PCDHGA5: variants seen among roughly 807,000 people sequenced by gnomAD.
PCDHGA5 encodes protocadherin gamma-A5.
A neutral mutation model predicts 56.7 loss-of-function variants in PCDHGA5; 36 were observed. The observed-to-expected ratio is 0.64, with a 90% CI of 0.49 to 0.84. The LOEUF (loss-of-function observed/expected upper bound fraction) is 0.84. PCDHGA5 is among the 40% of genes least tolerant of loss of function. The probability of loss-of-function intolerance (pLI) is 0.00; values close to 1 mark genes in which losing one functional copy is unlikely to be tolerated. For synonymous variants in PCDHGA5, 563 were observed against 520.2 expected (o/e 1.08, Z -1.12); for missense variants, 1,305 against 1,201.5 (o/e 1.09, Z -1.27).
At chr5:141,496,146 G>A (rs749790409) in intron 2 of PCDHGA5, among the ~76,000 whole-genome samples, 1 of 151,170 alleles carries the variant, frequency 6.6e-6, no homozygotes, top group Non-Finnish European at 1.5e-5. Flanking sequence ...GCCTTTGATC[G>A]CAGCTCTCCA....
At chr5:141,424,171 C>A in intron 1 of PCDHGA5, 1 of 226,338 alleles carries the variant, frequency 4.4e-6, no homozygotes, top group Non-Finnish European at 8.0e-6. Flanking sequence ...ATCTATCTAT[C>A]TATACACATG....
chr5:141,419,259 C>A (rs765877993), intron 1 of PCDHGA5: 11 of 1,614,016 alleles, frequency 6.8e-6, no homozygotes, highest in Non-Finnish European at 9.3e-6. Flanking sequence ...AACAACCAGC[C>A]GGGTGCCTCC....
chr5:141,414,572 C>T, intron 1 of PCDHGA5: 1 of 1,613,960 alleles, frequency 6.2e-7, no homozygotes, highest in Non-Finnish European at 8.5e-7. Context: ...ACCTATATCC[C>T]AGAGAACAAC....
intron 1 of PCDHGA5, chr5:141,415,949 C>T (rs369226000): frequency 6.5e-4 from 320 of 496,036 alleles, no homozygotes; most frequent in African/African-American, 5.9e-3. Context: ...TGGGTGGTCA[C>T]ATATTGAAAC....
rs200686404 is a variant in PCDHGA5 at position 141,477,185 on chromosome 5, G to A, written c.2422-17622G>A. On this transcript the variant is annotated intron_variant, in intron 1 of 3. Transcript: ENST00000518069. The surrounding 1 kb of genome is among the most constrained non-coding windows in gnomAD (Gnocchi z 4.9). ...CGCCCCGGAGATCACAGTCACCTCCGTGTACAGCCCAGTACCCGAGGATGC... is the reference window on the plus strand; with the variant it reads ...CGCCCCGGAGATCACAGTCACCTCCATGTACAGCCCAGTACCCGAGGATGC... 1.2e-6 allele frequency: 2 copies of A among 1,614,210 alleles called. No individual in the cohort carries two copies. Among genetic ancestry groups the A allele is most frequent in the South Asian group, 1.1e-5 (1 of 91,084 alleles).
rs776189143 is a variant in PCDHGA5, at chr5:141,422,957, A to G, written c.2421+56206A>G. 11 of 1,614,190 alleles carry G rather than the reference A, an allele frequency of 6.8e-6. 1 individual carries two copies. The South Asian group carries it at 7.7e-5, about 11-fold the overall frequency. Reference sequence around the variant, plus strand: ...CCCACAGACGGCTCCACTGGCGTGGAGCTGGCGCCCCGCTCTGCGGAACCT... The same window carrying G: ...CCCACAGACGGCTCCACTGGCGTGGGGCTGGCGCCCCGCTCTGCGGAACCT... On this transcript the variant is annotated intron_variant, in intron 1 of 3. Coordinates refer to ENST00000518069, the MANE Select transcript of PCDHGA5 (RefSeq NM_018918.3).
At chr5:141,394,799 A>G in intron 1 of PCDHGA5, 5 of 1,613,808 alleles carry the variant, frequency 3.1e-6, no homozygotes, top group Admixed American at 1.7e-5. Context: ...CGCTCACCGT[A>G]GCCGTGGCTG....
At chr5:141,387,774 G>C (rs2091089351) in intron 1 of PCDHGA5, 3 of 1,445,206 alleles carry the variant, frequency 2.1e-6, no homozygotes, top group East Asian at 2.5e-5. Context: ...ATTTTTTCTT[G>C]AACTGGAACT....
chr5:141,366,284 C>A lies in PCDHGA5; in HGVS notation c.1954C>A (p.Pro652Thr), dbSNP rs941616031. ...GGTGGCCGTCGAAGACCATGGCCAG[C>A]CCCCTCTGTCAGCCACCTTCACGGT... The part of the protein sequence containing the change: ...LVVAVEDHGQ[P>T]PLSATFTVTV... Residue 652 changes from proline (P) to threonine (T), a missense_variant, in exon 1 of 4, where the codon CCC (proline) becomes ACC (threonine). Physicochemically the swap from Pro to Thr is conservative, Grantham distance 38 (BLOSUM62 -1). Transcript: ENST00000518069. The A allele has an allele frequency of 6.2e-7, 1 of 1,613,596 alleles. No homozygotes were observed. Among genetic ancestry groups the A allele is most frequent in the African/African-American group, 1.3e-5 (1 of 74,960 alleles).
At position 141,490,645 on chromosome 5, in the gene PCDHGA5, C is replaced by G; in HGVS notation, c.2422-4162C>G. ...TGCTTACATCCTAGAAAACCGGCCTCCGGGCTCCCTTCTTTGCACTGTGGC... is the reference window on the plus strand; with the variant it reads ...TGCTTACATCCTAGAAAACCGGCCTGCGGGCTCCCTTCTTTGCACTGTGGC... On this transcript the variant is annotated intron_variant, in intron 1 of 3. Transcript: ENST00000518069. The surrounding 1 kb of genome is among the most constrained non-coding windows in gnomAD (Gnocchi z 5.4). 6.2e-7 allele frequency: 1 copy of G among 1,614,220 alleles called. No homozygotes were observed. Among genetic ancestry groups the G allele is most frequent in the Non-Finnish European group, 8.5e-7 (1 of 1,180,022 alleles).
In PCDHGA5 at chr5:141,485,713, G is replaced by A. The variant is rs769162337; in HGVS notation, c.2422-9094G>A. The stretch of plus-strand genomic sequence containing the variant: ...TGAGCTCCAATGAACACTTTGCACT[G>A]GATGTGAAGAAGCGCAGCGACGGCA... On this transcript the variant is annotated intron_variant, in intron 1 of 3. Transcript: ENST00000518069. The surrounding 1 kb of genome is among the most constrained non-coding windows in gnomAD (Gnocchi z 5.7). 2 of 1,614,084 alleles carry A rather than the reference G, an allele frequency of 1.2e-6. No homozygotes were observed. The highest frequency in any genetic ancestry group is 1.3e-5 in the African/African-American group (1 of 74,942).
rs780007896 is a variant in PCDHGA5 at position 141,399,692 on chromosome 5, G to T, written c.2421+32941G>T. 1.2e-5 allele frequency: 19 copies of T among 1,613,318 alleles called. No individual in the cohort carries two copies. The South Asian group carries it at 2.1e-4, about 18-fold the overall frequency. ...CGCGCCTTTGACTACGAGCAGCTGC[G>T]CACCTTCGAACTCACACTACAGGCC... On this transcript the variant is annotated intron_variant, in intron 1 of 3. Coordinates refer to ENST00000518069, the MANE Select transcript of PCDHGA5 (RefSeq NM_018918.3).
chr5:141,404,759 T>C, intron 1 of PCDHGA5: 2 of 1,613,632 alleles, frequency 1.2e-6, no homozygotes, highest in Non-Finnish European at 1.7e-6. Flanking sequence ...CCAGAATGCT[T>C]GGCTCTCCTA....
chr5:141,459,947 A>T (rs2098978538), intron 1 of PCDHGA5, among the ~76,000 whole-genome samples: 1 of 152,200 alleles, frequency 6.6e-6, no homozygotes, highest in African/African-American at 2.4e-5. Context: ...GCGTGATGGC[A>T]GGTGCCTGTA....
chr5:141,447,048 A>T (rs149112101), intron 1 of PCDHGA5, among the ~76,000 whole-genome samples: 1 of 152,066 alleles, frequency 6.6e-6, no homozygotes, highest in Non-Finnish European at 1.5e-5. Flanking sequence ...CTGGAATTCT[A>T]TTAAAATGTG....
intron 1 of PCDHGA5, among the ~76,000 whole-genome samples, chr5:141,445,814 T>C (rs1554133709): frequency 6.6e-6 from 1 of 152,182 alleles, no homozygotes; most frequent in Non-Finnish European, 1.5e-5. Context: ...TAGATGAAAC[T>C]AATAAGGCAG....
At chr5:141,473,369 G>T (rs888984972) in intron 1 of PCDHGA5, among the ~76,000 whole-genome samples, 1 of 152,200 alleles carries the variant, frequency 6.6e-6, no homozygotes, top group Non-Finnish European at 1.5e-5. Flanking sequence ...CACCAAAATA[G>T]CATGGTCCCT....
In PCDHGA5 at chr5:141,491,921, A is replaced by T; in HGVS notation, c.2422-2886A>T. ...CCGGGGGTGGTGGCGACTGTGGGCG[A>T]GGGGAGGTGGGACCGACCCCCACCC... On this transcript the variant is annotated intron_variant, in intron 1 of 3. Coordinates refer to ENST00000518069, the MANE Select transcript of PCDHGA5 (RefSeq NM_018918.3). The surrounding 1 kb of genome is among the most constrained non-coding windows in gnomAD (Gnocchi z 6.9). The T allele has an allele frequency of 1.5e-6, 2 of 1,353,738 alleles. No homozygotes were observed. Among genetic ancestry groups the T allele is most frequent in the Non-Finnish European group, 2.0e-6 (2 of 1,013,388 alleles). 83.9% of individuals were successfully genotyped at this position (1,353,738 alleles called of 1,614,324 possible). A position where few individuals can be genotyped will look rare whatever the true frequency, so the allele number is the denominator to read the frequency against.
At position 141,487,641 on chromosome 5, in the gene PCDHGA5, T is replaced by C. The variant is rs1343702532; in HGVS notation, c.2422-7166T>C. The stretch of plus-strand genomic sequence containing the variant: ...GTGAGACCTTTGCAGGCTCAACAAA[T>C]GCTTGAGGGTTATTCTGATCCAGGC... On this transcript the variant is annotated intron_variant, in intron 1 of 3. Coordinates refer to ENST00000518069, the MANE Select transcript of PCDHGA5 (RefSeq NM_018918.3). The surrounding 1 kb of genome is among the most constrained non-coding windows in gnomAD (Gnocchi z 5.0). The C allele has an allele frequency of 6.2e-7, 1 of 1,614,122 alleles. No individual in the cohort carries two copies. Among genetic ancestry groups the C allele is most frequent in the Non-Finnish European group, 8.5e-7 (1 of 1,179,998 alleles).
Sources: gnomAD v4.1 joint callset for allele counts (sites outside exome capture counted in the v4.1 genomes callset) on GRCh38, gnomAD v4.1.1 for gene constraint, Gnocchi (gnomAD v3.1) non-coding constraint, MANE v1.5 for transcripts, NCBI Gene and HGNC (gene_info 2026-07-23, HGNC 2026-07-21) for gene names.